RMDN2: variants seen among roughly 807,000 people sequenced by gnomAD.
RMDN2 encodes the protein regulator of microtubule dynamics protein 2.
RMDN2 carries 61 observed loss-of-function variants against 52.8 expected under a neutral mutation model. The ratio of observed to expected loss-of-function variants is 1.16; its 90% CI spans 0.94 to 1.43. The LOEUF (loss-of-function observed/expected upper bound fraction) is 1.43. RMDN2 is among the 40% of genes most tolerant of loss of function. RMDN2 has a pLI of 0.00. For missense variants in RMDN2, 592 were observed against 475.3 expected (o/e 1.25, Z -2.28); for synonymous variants, 180 against 153.1 (o/e 1.18, Z -1.30).
chr2:37,942,076 G>A (rs537998466), intron 2 of RMDN2, among the ~76,000 whole-genome samples: 11 of 152,310 alleles, frequency 7.2e-5, no homozygotes, highest in African/African-American at 2.2e-4. Context: ...TGTGAAGACC[G>A]TGGGAAAAGT....
upstream of RMDN2, among the ~76,000 whole-genome samples, chr2:37,923,564 G>A (rs917985040): frequency 2.0e-5 from 3 of 152,154 alleles, no homozygotes; most frequent in Non-Finnish European, 4.4e-5. Context: ...TGTTAAAAGA[G>A]AAAATTGTTT....
chr2:37,950,155 AG>A (rs1350609775), intron 2 of RMDN2: 2 of 204,736 alleles, frequency 9.8e-6, no homozygotes, highest in Admixed American at 1.1e-4. Flanking sequence ...TTCAAGTGAA[AG>A]AAGAAGGAGT....
chr2:37,953,176 A>T (rs947319324), intron 2 of RMDN2: 3 of 151,918 alleles, frequency 2.0e-5, no homozygotes, highest in African/African-American at 7.2e-5. Flanking sequence ...TTTGATTTTA[A>T]TTTTTAAAAA....
At position 37,952,531 on chromosome 2, in the gene RMDN2, A is replaced by G. The variant is rs534445538; in HGVS notation, c.453-21509A>G. 8.5e-4 allele frequency: 345 copies of G among 404,166 alleles called. No individual in the cohort carries two copies. In the Middle Eastern group the frequency reaches 9.8e-3, roughly 11 times the overall value. 25.0% of individuals were successfully genotyped at this position (404,166 alleles called of 1,614,324 possible). On this transcript the variant is annotated intron_variant, in intron 2 of 10. Coordinates refer to ENST00000354545, the MANE Select transcript of RMDN2 (RefSeq NM_001170791.3). ...TGAAAATAACATCAAGCCTTGATGT[A>G]TGGACTTTCTAAAAGTAATACATTC...
intron 10 of RMDN2, among the ~76,000 whole-genome samples, chr2:38,044,926 G>C (rs1681180024): frequency 6.6e-6 from 1 of 152,042 alleles, no homozygotes; most frequent in Non-Finnish European, 1.5e-5. Context: ...ACTTGATTTG[G>C]CAAGTGACAC....
chr2:37,928,863 T>C (rs1666494579), intron 1 of RMDN2: 2 of 152,792 alleles, frequency 1.3e-5, no homozygotes, highest in African/African-American at 4.8e-5. Flanking sequence ...AATAATGGCG[T>C]AATTTCTCTT....
intron 10 of RMDN2, among the ~76,000 whole-genome samples, chr2:38,013,281 A>T (rs1345112993): frequency 6.6e-6 from 1 of 152,274 alleles, no homozygotes; most frequent in Non-Finnish European, 1.5e-5. Context: ...AAGCTCAAAT[A>T]TAAAAAGCAT....
At chr2:38,013,548 T>C (rs1359412642) in intron 10 of RMDN2, among the ~76,000 whole-genome samples, 7 of 152,220 alleles carry the variant, frequency 4.6e-5, no homozygotes, top group African/African-American at 1.7e-4. Context: ...TGAGCTGTAT[T>C]TCCAACCTGT....
rs558043758 is a variant in RMDN2 at position 37,929,655 on chromosome 2, G to A, written c.378G>A (p.Ala126=). ...TVHKISPQHR[A]RKRRLPTIQS... is the part of the protein sequence containing the mutation. Reference sequence around the variant, plus strand: ...ATAAGATAAGCCCTCAGCACAGAGCGAGAAAAAGAAGACTCCCCACAATTC... The same window carrying A: ...ATAAGATAAGCCCTCAGCACAGAGCAAGAAAAAGAAGACTCCCCACAATTC... Residue 126 remains alanine, a synonymous_variant, in exon 2 of 11, where the codon GCG becomes GCA. Coordinates refer to ENST00000354545, the MANE Select transcript of RMDN2 (RefSeq NM_001170791.3). The A allele has an allele frequency of 1.9e-5, 29 of 1,543,270 alleles. No homozygotes were observed. The highest frequency in any genetic ancestry group is 2.4e-5 in the Non-Finnish European group (27 of 1,145,030).
At chr2:37,939,780 G>A (rs943417871) in intron 2 of RMDN2, among the ~76,000 whole-genome samples, 1 of 152,180 alleles carries the variant, frequency 6.6e-6, no homozygotes, top group African/African-American at 2.4e-5. Context: ...GCATATGGGT[G>A]TCTTTGCATG....
In RMDN2 at chr2:38,009,768, TGGA is replaced by T. The variant is rs537218096; in HGVS notation, c.1179+5560_1179+5562del. Among the ~76,000 whole-genome samples the T allele has an allele frequency of 2.0e-3, 300 of 152,338 alleles. 4 individuals are homozygous for T. Among genetic ancestry groups the T allele is most frequent in the African/African-American group, 6.6e-3 (276 of 41,576 alleles). On this transcript the variant is annotated intron_variant, in intron 10 of 10. Coordinates refer to ENST00000354545, the MANE Select transcript of RMDN2 (RefSeq NM_001170791.3). ...TTGCTGGTGAGGAGCTGCATTCCTTTGGAGGAGGAGAGGCGCTCTGATTTTTAG... is the reference window on the plus strand; with the variant it reads ...TTGCTGGTGAGGAGCTGCATTCCTTTGGAGGAGAGGCGCTCTGATTTTTAG...
At chr2:37,989,666 A>C (rs1674500625) in intron 6 of RMDN2, 50 bp downstream of exon 6, 2 of 1,203,132 alleles carry the variant, frequency 1.7e-6, no homozygotes, top group African/African-American at 3.1e-5. Flanking sequence ...GACATATGGA[A>C]GGGTATTTAT....
At chr2:37,958,343 C>CTGAGAGACTGTTATGATTTCTGTTCTT (rs1669758336) in intron 2 of RMDN2, among the ~76,000 whole-genome samples, 10 of 144,788 alleles carry the variant, frequency 6.9e-5, no homozygotes, top group African/African-American at 2.9e-4. Flanking sequence ...TGTAGTTCTT[C>CTGAGAGACTGTTATGATTTCTGTTCTT]TTGAAGAAGT....
At chr2:37,931,132 A>G (rs1666704606) in intron 2 of RMDN2, among the ~76,000 whole-genome samples, 2 of 152,198 alleles carry the variant, frequency 1.3e-5, no homozygotes, top group African/African-American at 2.4e-5. Flanking sequence ...GTTGTTGTTC[A>G]AGAACACAAA....
At chr2:37,960,404 C>T (rs920317943) in intron 2 of RMDN2, among the ~76,000 whole-genome samples, 7 of 151,856 alleles carry the variant, frequency 4.6e-5, no homozygotes, top group African/African-American at 1.7e-4. Flanking sequence ...TATGTAATTA[C>T]CTTGATTTTT....
At chr2:37,937,951 C>A (rs1401477053) in intron 2 of RMDN2, among the ~76,000 whole-genome samples, 1 of 152,188 alleles carries the variant, frequency 6.6e-6, no homozygotes, top group Non-Finnish European at 1.5e-5. Context: ...TGAGAGAGGG[C>A]ATCCTTGTCT....
At chr2:37,959,606 G>T (rs1363722938) in intron 2 of RMDN2, among the ~76,000 whole-genome samples, 1 of 150,692 alleles carries the variant, frequency 6.6e-6, no homozygotes, top group Admixed American at 6.6e-5. Flanking sequence ...CCAGCTCCTG[G>T]ATTCATTGAT....
intron 10 of RMDN2, among the ~76,000 whole-genome samples, chr2:38,056,747 A>G: frequency 6.6e-6 from 1 of 152,262 alleles, no homozygotes; most frequent in East Asian, 1.9e-4. Context: ...TAAATGATAT[A>G]AAATGATGGA....
At chr2:38,012,532 C>T (rs1336734431) in intron 10 of RMDN2, 2 of 453,024 alleles carry the variant, frequency 4.4e-6, no homozygotes, top group Admixed American at 2.6e-5. Flanking sequence ...GAAGGCTAGA[C>T]ATTGGAAGTA....
Sources: allele counts gnomAD v4.1 joint callset (sites outside exome capture counted in the v4.1 genomes callset), GRCh38; gene constraint gnomAD v4.1.1; transcripts MANE v1.5; gene names NCBI Gene and HGNC (gene_info 2026-07-23, HGNC 2026-07-21).